The following OTOGL variants were observed in gnomAD, a reference collection of about 807,000 sequenced individuals.
The protein encoded by OTOGL is otogelin-like protein.
In OTOGL, 285 loss-of-function variants were observed where a neutral mutation model predicts 318.5. The ratio of observed to expected loss-of-function variants is 0.89; its 90% CI spans 0.81 to 0.99. The LOEUF is 0.99. Among genes scored for constraint, OTOGL ranks in the 50% least tolerant of loss-of-function variants. The pLI is 0.00. For synonymous variants in OTOGL, 987 were observed against 936.5 expected, an observed-to-expected ratio of 1.05 and a Z score of -0.99; for missense variants, 2,899 against 2,845.6, an observed-to-expected ratio of 1.02 and a Z score of -0.43.
chr12:80,203,565 G>A (rs1876604720), intron 1 of OTOGL, among the ~76,000 whole-genome samples: 3 of 152,170 alleles, frequency 2.0e-5, no homozygotes, highest in African/African-American at 4.8e-5. Context: ...TGGAACAGAA[G>A]CTGTGAGTGG....
At chr12:80,166,557 A>C (rs1168942394) in intron 1 of OTOGL, among the ~76,000 whole-genome samples, 1 of 152,118 alleles carries the variant, frequency 6.6e-6, no homozygotes, top group African/African-American at 2.4e-5. Flanking sequence ...TAAATACCTA[A>C]CTTCTGAAAG....
intron 1 of OTOGL, among the ~76,000 whole-genome samples, chr12:80,143,569 G>A (rs571781651): frequency 6.6e-6 from 1 of 152,022 alleles, no homozygotes; most frequent in African/African-American, 2.4e-5. Context: ...GTCGTGTATA[G>A]TTCCCTGCAC....
chr12:80,336,221 C>G lies in OTOGL; in HGVS notation c.4600+81C>G. 2.9e-6 allele frequency: 4 copies of G among 1,390,592 alleles called. No homozygotes were observed. In the South Asian group the frequency reaches 6.4e-5, roughly 22 times the overall value. The allele number at this position is 1,390,592 out of a possible 1,614,324, so 86.1% of individuals were successfully genotyped here. On this transcript the variant is annotated intron_variant, in intron 39 of 58. Transcript: ENST00000547103. ...ATTGTTACTTTTTTGAACCTTTCAC[C>G]TCATCAAGCCAAAGTTACTGTTTTT...
intron 11 of OTOGL, among the ~76,000 whole-genome samples, chr12:80,247,191 C>G (rs1304000581): frequency 6.7e-6 from 1 of 148,308 alleles, no homozygotes; most frequent in Admixed American, 6.6e-5. Flanking sequence ...TTAGTTATTT[C>G]TTGCCTTCTG....
At chr12:80,288,577 T>C (rs1481697493) in intron 26 of OTOGL, among the ~76,000 whole-genome samples, 1 of 152,120 alleles carries the variant, frequency 6.6e-6, no homozygotes, top group Non-Finnish European at 1.5e-5. Flanking sequence ...CCCATATTTC[T>C]TGTAGGCTTT....
At chr12:80,327,450 A>T (rs75949553) in intron 35 of OTOGL, among the ~76,000 whole-genome samples, 2,989 of 152,128 alleles carry the variant, frequency 0.02, 44 homozygotes, top group Non-Finnish European at 0.03. Context: ...TTTCTTGAAA[A>T]CGATAGCTTC....
At chr12:80,363,189 A>T (rs1159462363) in intron 52 of OTOGL, among the ~76,000 whole-genome samples, 1 of 152,138 alleles carries the variant, frequency 6.6e-6, no homozygotes, top group East Asian at 1.9e-4. Context: ...TTATTTCTTC[A>T]ACCAACATTT....
intron 1 of OTOGL, among the ~76,000 whole-genome samples, chr12:80,121,358 G>A (rs984090887): frequency 1.1e-4 from 16 of 152,144 alleles, no homozygotes; most frequent in African/African-American, 2.2e-4. Flanking sequence ...CAAGCAGACC[G>A]TTGCCTCCTC....
chr12:80,187,323 CCTAGGAGGT>C (rs1467755528), intron 1 of OTOGL, among the ~76,000 whole-genome samples: 1 of 151,632 alleles, frequency 6.6e-6, no homozygotes, highest in Non-Finnish European at 1.5e-5. Flanking sequence ...TAGGGCCTGG[CCTAGGAGGT>C]AAAGTTTACT....
intron 1 of OTOGL, among the ~76,000 whole-genome samples, chr12:80,144,842 C>T (rs1872228205): frequency 6.6e-6 from 1 of 152,086 alleles, no homozygotes; most frequent in Non-Finnish European, 1.5e-5. Flanking sequence ...TTTTTGGCTG[C>T]ATAAATGTCT....
chr12:80,310,505 T>G, intron 29 of OTOGL, 106 bp from the exon 30 acceptor site: 1 of 685,552 alleles, frequency 1.5e-6, no homozygotes, highest in Non-Finnish European at 2.5e-6. Flanking sequence ...TCTAAAAGGA[T>G]GAGAATATAT....
Position 80,102,915 on chromosome 12 carries a change from A to C in OTOGL, c.-20+3310A>C, listed in dbSNP as rs141775281. On this transcript the variant is annotated intron_variant, in intron 1 of 58. Transcript: ENST00000547103. ...ATAAGATTATTCCTCCATCTTCTCA[A>C]TTGTTTCTTCCTTGTATTTGCCCTT... 4.9e-6 allele frequency: 4 copies of C among 821,534 alleles called. No individual in the cohort carries two copies. The African/African-American group carries it at 5.0e-5, about 10-fold the overall frequency. The allele number at this position is 821,534 out of a possible 1,614,324, so 50.9% of individuals were successfully genotyped here. A position where few individuals can be genotyped will look rare whatever the true frequency, so the allele number is the denominator to read the frequency against.
intron 57 of OTOGL, among the ~76,000 whole-genome samples, chr12:80,372,734 G>A (rs1265755095): frequency 6.6e-6 from 1 of 151,562 alleles, no homozygotes; most frequent in Non-Finnish European, 1.5e-5. Context: ...TATTGCCCAG[G>A]CCGGGGCGTA....
chr12:80,211,911 G>A (rs1253148304), intron 3 of OTOGL, 38 bp from the exon 4 acceptor site: 1 of 1,508,582 alleles, frequency 6.6e-7, no homozygotes, highest in Non-Finnish European at 8.9e-7. Flanking sequence ...GTTGCCTAGG[G>A]GCCTTTGACT....
At position 80,141,909 on chromosome 12, in the gene OTOGL, G is replaced by C. The variant is rs950559111; in HGVS notation, c.-20+42304G>C. On this transcript the variant is annotated intron_variant, in intron 1 of 58. Coordinates refer to ENST00000547103, the MANE Select transcript of OTOGL (RefSeq NM_001378609.3). ...TTGGGAGAGGAAAGACTATTTAAGAGAGTACCCTCATGGCCACTCTGAGAA... is the reference window on the plus strand; with the variant it reads ...TTGGGAGAGGAAAGACTATTTAAGACAGTACCCTCATGGCCACTCTGAGAA... 8.0e-4 allele frequency among the ~76,000 whole-genome samples: 121 copies of C among 152,044 alleles called. 1 individual carries two copies. Among genetic ancestry groups the C allele is most frequent in the Non-Finnish European group, 2.9e-4 (20 of 67,950 alleles).
chr12:80,358,363 A>T lies in OTOGL; in HGVS notation c.6121+14A>T. On this transcript the variant is annotated intron_variant, in intron 50 of 58. Coordinates refer to ENST00000547103, the MANE Select transcript of OTOGL (RefSeq NM_001378609.3). ...AGTATTACTGTGGTAAGTGTATATT[A>T]ACTATTCTAAAATATTTAGATGTGT... 1 of 1,539,512 alleles carries T rather than the reference A, an allele frequency of 6.5e-7. No individual in the cohort carries two copies.
At chr12:80,377,805 T>A (rs574657989) in intron 58 of OTOGL, 43 bp from the exon 59 acceptor site, 42 of 1,440,808 alleles carry the variant, frequency 2.9e-5, no homozygotes, top group Middle Eastern at 2.1e-4. Flanking sequence ...AACCAGTACT[T>A]TTAAAAGTTT....
chr12:80,146,481 TG>T (rs1319367480), intron 1 of OTOGL, among the ~76,000 whole-genome samples: 1 of 151,902 alleles, frequency 6.6e-6, no homozygotes, highest in Non-Finnish European at 1.5e-5. Flanking sequence ...TGAGGATTTT[TG>T]CATCAATATT....
At chr12:80,330,351 C>T (rs570236040) in intron 37 of OTOGL, among the ~76,000 whole-genome samples, 5 of 152,250 alleles carry the variant, frequency 3.3e-5, no homozygotes, top group Non-Finnish European at 7.4e-5. Context: ...GAGAGGTTTA[C>T]CCTTCTAGAG....
Sources: allele counts gnomAD v4.1 joint callset (sites outside exome capture counted in the v4.1 genomes callset), GRCh38; gene constraint gnomAD v4.1.1; transcripts MANE v1.5; gene names NCBI Gene and HGNC (gene_info 2026-07-23, HGNC 2026-07-21).